The following UBN1 variants were observed in gnomAD, a reference collection of about 807,000 sequenced individuals.
UBN1 encodes the protein ubinuclein 1.
In UBN1, 17 loss-of-function variants were observed where a neutral mutation model predicts 108.5. The observed-to-expected ratio is 0.16, with a 90% CI of 0.11 to 0.24. The LOEUF (loss-of-function observed/expected upper bound fraction) is 0.24. Ranked by LOEUF, UBN1 falls within the 10% of genes least tolerant of loss-of-function variation. The probability of loss-of-function intolerance (pLI) is 1.00; values close to 1 mark genes in which losing one functional copy is unlikely to be tolerated. For missense variants in UBN1, 1,595 were observed against 1,394.4 expected (o/e 1.14, Z -2.29); for synonymous variants, 726 against 564.2 (o/e 1.29, Z -4.07).
At chr16:4,858,756 C>G in intron 4 of UBN1, 93 bp downstream of exon 4, 3 of 1,242,738 alleles carry the variant, frequency 2.4e-6, no homozygotes, top group South Asian at 1.3e-5. Flanking sequence ...TCAGAGCAGT[C>G]GTGCCCTCTT....
At chr16:4,872,613 C>T (rs948476386) in intron 12 of UBN1, among the ~76,000 whole-genome samples, 21 of 152,300 alleles carry the variant, frequency 1.4e-4, no homozygotes, top group South Asian at 1.0e-3. Flanking sequence ...GGATTACAGG[C>T]GTGCGCCACC....
intron 12 of UBN1, among the ~76,000 whole-genome samples, 188 bp downstream of exon 12, chr16:4,871,489 A>G (rs1281504467): frequency 6.6e-6 from 1 of 151,386 alleles, no homozygotes; most frequent in Non-Finnish European, 1.5e-5. Flanking sequence ...TCCCTGGAGG[A>G]AGGGAAGTTG....
At chr16:4,864,731 T>C (rs1044740650) in intron 7 of UBN1, among the ~76,000 whole-genome samples, 1 of 152,126 alleles carries the variant, frequency 6.6e-6, no homozygotes, top group African/African-American at 2.4e-5. Flanking sequence ...TAGTCAAGCA[T>C]AACATAGAGA....
chr16:4,863,411 G>A (rs941983084), intron 7 of UBN1, among the ~76,000 whole-genome samples: 2 of 151,914 alleles, frequency 1.3e-5, no homozygotes, highest in African/African-American at 4.8e-5. Context: ...GTCTTCCCAG[G>A]GAAGGAATGC....
rs766415551 is a variant in UBN1 at position 4,873,017 on chromosome 16, A to C, written c.1758-14A>C. ...ATATTCTCTAAACTTTTCTGTGCTC[A>C]TTCCTTTGAACAGGGCCAAGAAGAA... On this transcript the variant is annotated splice_polypyrimidine_tract_variant and intron_variant, in intron 13 of 17. Transcript: ENST00000262376. 2 of 1,614,168 alleles carry C rather than the reference A, an allele frequency of 1.2e-6. No homozygotes were observed. Among genetic ancestry groups the C allele is most frequent in the South Asian group, 2.2e-5 (2 of 91,090 alleles).
intron 7 of UBN1, among the ~76,000 whole-genome samples, chr16:4,868,332 C>T (rs909195870): frequency 7.2e-5 from 11 of 152,074 alleles, no homozygotes; most frequent in African/African-American, 1.7e-4. Flanking sequence ...ATAGAGAGCT[C>T]GTGGTATACC....
chr16:4,849,403 A>T (rs934464840), intron 1 of UBN1, among the ~76,000 whole-genome samples: 1 of 152,210 alleles, frequency 6.6e-6, no homozygotes, highest in Non-Finnish European at 1.5e-5. Flanking sequence ...GGTACTCATT[A>T]TAAGTTGGAA....
chr16:4,868,809 C>G, intron 7 of UBN1, 24 bp from the exon 8 acceptor site: 2 of 1,612,282 alleles, frequency 1.2e-6, no homozygotes, highest in Non-Finnish European at 1.7e-6. Flanking sequence ...GCACTAACGG[C>G]TGTTACTGTC....
rs2087794948 is a variant in UBN1, at chr16:4,874,646, C to A, written c.2236C>A (p.Leu746Met). 1.2e-6 allele frequency: 2 copies of A among 1,614,234 alleles called. No homozygotes were observed. The highest frequency in any genetic ancestry group is 8.5e-7 in the Non-Finnish European group (1 of 1,180,042). The change falls in exon 15 of 18, where the codon CTG (leucine) becomes ATG (methionine). Residue 746 changes from leucine (L) to methionine (M), a missense_variant. Physicochemically the swap from Leu to Met is conservative, Grantham distance 15. Coordinates refer to ENST00000262376, the MANE Select transcript of UBN1 (RefSeq NM_001079514.3). ...LNFLAEQALA[L>M]GQSSQEKKPE... ...TTTTCTGGCAGAACAGGCTCTGGCA[C>A]TGGGGCAGTCCTCTCAGGAGAAAAA...
chr16:4,851,655 C>T (rs1275102424), intron 1 of UBN1, among the ~76,000 whole-genome samples: 3 of 151,872 alleles, frequency 2.0e-5, no homozygotes, highest in Non-Finnish European at 4.4e-5. Context: ...AGCATCTCTA[C>T]AAAAAATAGA....
At chr16:4,867,336 T>A (rs1443539523) in intron 7 of UBN1, among the ~76,000 whole-genome samples, 13 of 152,226 alleles carry the variant, frequency 8.5e-5, no homozygotes, top group Non-Finnish European at 1.8e-4. Flanking sequence ...TGGATCCACT[T>A]ACACGCAGAT....
Position 4,881,826 on chromosome 16 carries a change from T to G in UBN1, c.*1694T>G, listed in dbSNP as rs1414425083. 6.6e-6 allele frequency: 1 copy of G among 152,218 alleles called. No homozygotes were observed. Among genetic ancestry groups the G allele is most frequent in the Non-Finnish European group, 1.5e-5 (1 of 68,002 alleles). The allele number at this position is 152,218 out of a possible 1,614,324, so 9.4% of individuals were successfully genotyped here. On this transcript the variant is annotated 3_prime_UTR_variant, in exon 18 of 18. Coordinates refer to ENST00000262376, the MANE Select transcript of UBN1 (RefSeq NM_001079514.3). ...TAGCAAAAGAGCCAAAGAAGAGATT[T>G]GTATTGCTGAGCTCAAAGCCAAGCA... is the stretch of plus-strand genomic sequence containing the variant.
In UBN1 at chr16:4,874,474, T is replaced by G. The variant is rs762581390; in HGVS notation, c.2064T>G (p.Ala688=). 9.9e-6 allele frequency: 16 copies of G among 1,614,194 alleles called. No individual in the cohort carries two copies. Among genetic ancestry groups the G allele is most frequent in the Non-Finnish European group, 1.4e-5 (16 of 1,180,038 alleles). The change falls in exon 15 of 18, where the codon GCT becomes GCG. Residue 688 remains alanine, a synonymous_variant. Transcript: ENST00000262376. ...KELAALNSRA[A]GNSEFTLPAP... is the part of the protein sequence containing the mutation. ...TGGCTGCATTGAATAGCAGAGCAGC[T>G]GGGAACTCTGAATTCACACTGCCTG...
chr16:4,871,805 C>T (rs2087653481), intron 12 of UBN1, among the ~76,000 whole-genome samples: 1 of 152,048 alleles, frequency 6.6e-6, no homozygotes, highest in Non-Finnish European at 1.5e-5. Context: ...CCAGGATGGT[C>T]TCAATCTCCT....
At chr16:4,865,775 A>G (rs1269386130) in intron 7 of UBN1, among the ~76,000 whole-genome samples, 1 of 152,150 alleles carries the variant, frequency 6.6e-6, no homozygotes, top group Non-Finnish European at 1.5e-5. Context: ...AGCCTGGCCA[A>G]CATGGTGAAA....
chr16:4,849,379 A>G (rs2086415064), intron 1 of UBN1, among the ~76,000 whole-genome samples: 2 of 152,198 alleles, frequency 1.3e-5, no homozygotes, highest in Admixed American at 6.5e-5. Context: ...CCATTAAAAT[A>G]AGAATTCAGG....
chr16:4,873,599 T>C (rs966168527), intron 14 of UBN1, among the ~76,000 whole-genome samples: 2 of 152,332 alleles, frequency 1.3e-5, no homozygotes, highest in East Asian at 3.9e-4. Context: ...GTGGTGCCCT[T>C]AGCCATCCCT....
rs768207545 is a variant in UBN1 at position 4,874,827 on chromosome 16, T to C, written c.2417T>C (p.Val806Ala). 1.2e-6 allele frequency: 2 copies of C among 1,613,966 alleles called. No individual in the cohort carries two copies. Among genetic ancestry groups the C allele is most frequent in the East Asian group, 2.2e-5 (1 of 44,888 alleles). ...AVPVPGPQVK[V>A]FHAGTQQQKN... is the part of the protein sequence containing the mutation. ...CCTGTGCCTGGCCCCCAGGTCAAAGTCTTTCATGCCGGCACTCAGCAGCAG... is the reference window on the plus strand; with the variant it reads ...CCTGTGCCTGGCCCCCAGGTCAAAGCCTTTCATGCCGGCACTCAGCAGCAG... Residue 806 changes from valine (V) to alanine (A), a missense_variant, in exon 15 of 18, where the codon GTC becomes GCC. Coordinates refer to ENST00000262376, the MANE Select transcript of UBN1 (RefSeq NM_001079514.3).
At chr16:4,873,964 G>T in intron 14 of UBN1, among the ~76,000 whole-genome samples, 1 of 152,192 alleles carries the variant, frequency 6.6e-6, no homozygotes, top group East Asian at 1.9e-4. Context: ...CGGCTTGTTT[G>T]TACTTAGCAA....
Sources: gnomAD v4.1 joint callset for allele counts (sites outside exome capture counted in the v4.1 genomes callset) on GRCh38, gnomAD v4.1.1 for gene constraint, MANE v1.5 for transcripts, NCBI Gene and HGNC (gene_info 2026-07-23, HGNC 2026-07-21) for gene names.